Variants in SMYD3 observed in about 807,000 individuals in gnomAD.
SMYD3 encodes the protein SET and MYND domain containing 3.
Under a neutral mutation model 57.7 loss-of-function variants are expected in SMYD3, and 36 were observed. That is an observed-to-expected ratio of 0.62 (90% confidence interval 0.48 to 0.82). The LOEUF (loss-of-function observed/expected upper bound fraction) is 0.82, where lower values mean the gene tolerates loss of function less well. Among genes scored for constraint, SMYD3 ranks in the 40% least tolerant of loss-of-function variants. SMYD3 has a pLI of 0.00. For synonymous variants in SMYD3, 211 were observed against 195.0 expected (o/e 1.08, Z -0.68); for missense variants, 515 against 538.8 (o/e 0.96, Z 0.44).
intron 1 of SMYD3, among the ~76,000 whole-genome samples, chr1:246,368,888 C>T (rs1255535778): frequency 6.6e-6 from 1 of 152,210 alleles, no homozygotes; most frequent in African/African-American, 2.4e-5. Flanking sequence ...TTCCTTGCTC[C>T]TCCGCCTGCA....
intron 1 of SMYD3, among the ~76,000 whole-genome samples, chr1:246,409,401 C>T (rs1159692153): frequency 1.3e-5 from 2 of 152,142 alleles, no homozygotes; most frequent in Non-Finnish European, 1.5e-5. Context: ...TATGGCTAGC[C>T]AGTTTTCCCA....
At chr1:246,452,464 C>G (rs567836086) in intron 1 of SMYD3, among the ~76,000 whole-genome samples, 20 of 152,080 alleles carry the variant, frequency 1.3e-4, no homozygotes, top group Admixed American at 9.2e-4. Flanking sequence ...AGAGTTCGCA[C>G]CTCCAGCCTG....
intron 5 of SMYD3, among the ~76,000 whole-genome samples, chr1:245,966,007 C>T (rs569594382): frequency 1.3e-5 from 2 of 152,240 alleles, no homozygotes; most frequent in South Asian, 4.2e-4. Flanking sequence ...TATGGGAAAC[C>T]TCTATGCTCA....
chr1:246,220,582 A>T (rs978627261), intron 5 of SMYD3, among the ~76,000 whole-genome samples: 2 of 152,086 alleles, frequency 1.3e-5, no homozygotes, highest in Admixed American at 6.6e-5. Flanking sequence ...GCCCACTCCG[A>T]CCTGGGAGCA....
chr1:246,075,639 C>G (rs2060532871), intron 5 of SMYD3, among the ~76,000 whole-genome samples: 1 of 152,074 alleles, frequency 6.6e-6, no homozygotes, highest in African/African-American at 2.4e-5. Flanking sequence ...GACAATGAGA[C>G]TAGATGGAAG....
chr1:246,379,192 T>TA (rs1273990598), intron 1 of SMYD3, among the ~76,000 whole-genome samples: 1 of 150,978 alleles, frequency 6.6e-6, no homozygotes, highest in African/African-American at 2.4e-5. Context: ...CTAAGCAATT[T>TA]AATCTCTTGA....
At chr1:246,426,722 G>T (rs552352608) in intron 1 of SMYD3, among the ~76,000 whole-genome samples, 71 of 152,188 alleles carry the variant, frequency 4.7e-4, no homozygotes, top group African/African-American at 1.7e-3. Flanking sequence ...CCCAACCTTT[G>T]TGGGAATATT....
chr1:246,042,643 C>T (rs1215058849), intron 5 of SMYD3, among the ~76,000 whole-genome samples: 3 of 152,168 alleles, frequency 2.0e-5, no homozygotes, highest in South Asian at 2.1e-4. Flanking sequence ...ATCAGAGCTG[C>T]GTTAATCAAT....
intron 5 of SMYD3, among the ~76,000 whole-genome samples, chr1:245,955,277 AG>A (rs1452707398): frequency 2.0e-5 from 3 of 151,928 alleles, no homozygotes; most frequent in Non-Finnish European, 4.4e-5. Context: ...TGTATTTTTT[AG>A]TAGAGACGGG....
intron 1 of SMYD3, among the ~76,000 whole-genome samples, chr1:246,476,887 T>A (rs768167781): frequency 6.6e-6 from 1 of 152,182 alleles, no homozygotes. Context: ...ACAAAACTCT[T>A]GACTATTCAA....
intron 5 of SMYD3, among the ~76,000 whole-genome samples, chr1:246,148,060 TC>T (rs145457664): frequency 0.16 from 24,181 of 151,806 alleles, 2,786 homozygotes; most frequent in African/African-American, 0.3. Flanking sequence ...AAGGCGGCAG[TC>T]CCCGTAAGGC....
At chr1:245,755,175 A>G (rs2045556967) in intron 11 of SMYD3, among the ~76,000 whole-genome samples, 1 of 152,268 alleles carries the variant, frequency 6.6e-6, no homozygotes, top group Non-Finnish European at 1.5e-5. Context: ...GTGCCATGCC[A>G]GACACAGCTA....
chr1:246,474,978 T>C (rs2068008782), intron 1 of SMYD3, among the ~76,000 whole-genome samples: 1 of 152,076 alleles, frequency 6.6e-6, no homozygotes, highest in South Asian at 2.1e-4. Context: ...GCAAAGATGG[T>C]CAAATCCCCA....
At chr1:246,155,338 G>C (rs1464975886) in intron 5 of SMYD3, among the ~76,000 whole-genome samples, 2 of 152,270 alleles carry the variant, frequency 1.3e-5, no homozygotes, top group South Asian at 4.1e-4. Context: ...ACAGCCAAGA[G>C]AAAGCAGATA....
intron 5 of SMYD3, among the ~76,000 whole-genome samples, chr1:246,123,569 A>AAAACAC (rs2061457082): frequency 8.5e-6 from 1 of 117,380 alleles, no homozygotes; most frequent in South Asian, 2.8e-4. Context: ...ACTCCATCTC[A>AAAACAC]AAACACACAC....
At chr1:245,809,860 G>T (rs1406074282) in intron 10 of SMYD3, among the ~76,000 whole-genome samples, 1 of 152,180 alleles carries the variant, frequency 6.6e-6, no homozygotes, top group Non-Finnish European at 1.5e-5. Context: ...TTATTGTAAA[G>T]ATTTGGAATT....
At chr1:246,441,847 A>G (rs2067476167) in intron 1 of SMYD3, among the ~76,000 whole-genome samples, 1 of 152,180 alleles carries the variant, frequency 6.6e-6, no homozygotes, top group African/African-American at 2.4e-5. Flanking sequence ...CCTGGCCTCA[A>G]GTGATCCTCC....
At chr1:246,317,991 G>A (rs1412826925) in intron 5 of SMYD3, among the ~76,000 whole-genome samples, 2 of 152,152 alleles carry the variant, frequency 1.3e-5, no homozygotes, top group African/African-American at 4.8e-5. Context: ...ATGAGTCAGA[G>A]CTATCAAGTA....
intron 5 of SMYD3, among the ~76,000 whole-genome samples, chr1:246,105,757 A>G (rs2061106673): frequency 1.3e-5 from 2 of 152,218 alleles, no homozygotes; most frequent in African/African-American, 4.8e-5. Context: ...AATGCCCGAA[A>G]TGCCAGGTGG....
Sources: gnomAD v4.1 joint callset for allele counts (sites outside exome capture counted in the v4.1 genomes callset) on GRCh38, gnomAD v4.1.1 for gene constraint, MANE v1.5 for transcripts, NCBI Gene and HGNC (gene_info 2026-07-23, HGNC 2026-07-21) for gene names.